Variants in PDE1C observed in about 807,000 individuals in gnomAD.
PDE1C encodes phosphodiesterase 1C, also known as dual specificity calcium/calmodulin-dependent 3',5'-cyclic nucleotide phosphodiesterase 1C.
A neutral mutation model predicts 93.1 loss-of-function variants in PDE1C; 62 were observed. The observed-to-expected ratio is 0.67, with a 90% CI of 0.54 to 0.82. PDE1C has a LOEUF of 0.82. Among genes scored for constraint, PDE1C ranks in the 40% least tolerant of loss-of-function variants. The probability of loss-of-function intolerance (pLI) is 0.00; values close to 1 mark genes in which losing one functional copy is unlikely to be tolerated. For missense variants in PDE1C, 742 were observed against 884.6 expected, an observed-to-expected ratio of 0.84 and a Z score of 2.04; for synonymous variants, 325 against 310.1, an observed-to-expected ratio of 1.05 and a Z score of -0.50.
At chr7:31,832,086 A>G (rs1196251520) in intron 11 of PDE1C, among the ~76,000 whole-genome samples, 2 of 152,202 alleles carry the variant, frequency 1.3e-5, no homozygotes, top group Admixed American at 1.3e-4. Context: ...TGAATTGATA[A>G]AAATAAAAAG....
chr7:31,722,001 C>T, the PDE1C span, among the ~76,000 whole-genome samples: 3 of 152,282 alleles, frequency 2.0e-5, no homozygotes, highest in East Asian at 1.9e-4. Context: ...ATAACTCTTA[C>T]GGCTCAAACT....
chr7:32,399,888 T>C (rs772481607), intron 1 of PDE1C, among the ~76,000 whole-genome samples: 7 of 152,140 alleles, frequency 4.6e-5, no homozygotes, highest in African/African-American at 7.2e-5. Context: ...CAGGCCTGAC[T>C]TCATTTAACC....
chr7:32,083,758 A>G (rs1235942092), intron 3 of PDE1C, among the ~76,000 whole-genome samples: 1 of 152,078 alleles, frequency 6.6e-6, no homozygotes, highest in Admixed American at 6.5e-5. Context: ...ACTAAGCTTC[A>G]TAAGTGAAGG....
chr7:31,760,693 A>G (rs1359308639), intron 17 of PDE1C, among the ~76,000 whole-genome samples: 1 of 151,720 alleles, frequency 6.6e-6, no homozygotes, highest in Admixed American at 6.6e-5. Flanking sequence ...TCTTTCAAAC[A>G]TAATGCTATG....
At chr7:31,861,482 G>C (rs1322677013) in intron 7 of PDE1C, among the ~76,000 whole-genome samples, 2 of 151,828 alleles carry the variant, frequency 1.3e-5, no homozygotes, top group African/African-American at 2.4e-5. Context: ...CTTGGCCTCT[G>C]TAAATGGATG....
At chr7:32,296,027 A>G (rs1165256469) in intron 1 of PDE1C, among the ~76,000 whole-genome samples, 2 of 152,136 alleles carry the variant, frequency 1.3e-5, no homozygotes, top group Admixed American at 6.6e-5. Context: ...TAAATACTTT[A>G]TATATAGCAT....
At chr7:31,912,399 T>A (rs1801348696) in intron 2 of PDE1C, among the ~76,000 whole-genome samples, 2 of 152,100 alleles carry the variant, frequency 1.3e-5, no homozygotes, top group Admixed American at 1.3e-4. Context: ...AAAACATAGA[T>A]AAAAGGCCGG....
Position 32,390,305 on chromosome 7 carries a change from C to T in PDE1C, c.310+37517G>A, listed in dbSNP as rs371355079. Among the ~76,000 whole-genome samples the T allele has an allele frequency of 1.2e-4, 18 of 152,030 alleles. No individual in the cohort carries two copies. In the East Asian group the frequency reaches 3.3e-3, roughly 28 times the overall value. On this transcript the variant is annotated intron_variant, in intron 1 of 1. Coordinates refer to the PDE1C transcript ENST00000672256. The stretch of plus-strand genomic sequence containing the variant: ...GATAAATTAAGATGCATATTGTACT[C>T]CCTAAAGCAGTGATTCTCAACTGGG...
At chr7:32,299,332 G>GA (rs1170896995), upstream of PDE1C, 2 of 985,614 alleles carry the variant, frequency 2.0e-6, no homozygotes, top group Non-Finnish European at 2.4e-6. Context: ...AGGAAGTCGG[G>GA]AAAATCGCCA....
At chr7:32,422,239 A>G (rs1785446342) in intron 1 of PDE1C, among the ~76,000 whole-genome samples, 1 of 152,222 alleles carries the variant, frequency 6.6e-6, no homozygotes, top group African/African-American at 2.4e-5. Flanking sequence ...ACAAATGTTG[A>G]AGGTTAAGGC....
At chr7:31,701,382 C>A in the PDE1C span, among the ~76,000 whole-genome samples, 1 of 152,114 alleles carries the variant, frequency 6.6e-6, no homozygotes, top group Non-Finnish European at 1.5e-5. Flanking sequence ...TGAATTGCTG[C>A]AATCTAATGA....
At chr7:31,695,558 T>G in the PDE1C span, 1 of 1,613,564 alleles carries the variant, frequency 6.2e-7, no homozygotes, top group Non-Finnish European at 8.5e-7. Context: ...GAATGTTGAG[T>G]CAGACCAAAA....
chr7:32,401,377 T>C (rs1784939040), intron 1 of PDE1C, among the ~76,000 whole-genome samples: 2 of 152,038 alleles, frequency 1.3e-5, no homozygotes, highest in African/African-American at 2.4e-5. Flanking sequence ...TCTCTACTAA[T>C]AATACAAAAA....
At chr7:31,623,779 G>A in the PDE1C span, among the ~76,000 whole-genome samples, 1 of 151,498 alleles carries the variant, frequency 6.6e-6, no homozygotes, top group African/African-American at 2.4e-5. Flanking sequence ...AGGGCAATTA[G>A]GCAGGAGAAG....
At chr7:31,620,003 T>G in the PDE1C span, among the ~76,000 whole-genome samples, 20 of 152,302 alleles carry the variant, frequency 1.3e-4, no homozygotes, top group East Asian at 3.9e-3. Flanking sequence ...TCTCGCTGAT[T>G]GCTAGCACAG....
upstream of PDE1C, among the ~76,000 whole-genome samples, chr7:32,076,398 T>C (rs1796356046): frequency 6.6e-6 from 1 of 152,054 alleles, no homozygotes; most frequent in African/African-American, 2.4e-5. Context: ...CCCAGCACTC[T>C]GAGAGGCCGA....
At chr7:32,202,677 C>T (rs904651789) in intron 2 of PDE1C, among the ~76,000 whole-genome samples, 1 of 152,132 alleles carries the variant, frequency 6.6e-6, no homozygotes. Context: ...TGGGTCAACA[C>T]AAGTTGGGGT....
chr7:31,957,208 A>C, intron 2 of PDE1C, among the ~76,000 whole-genome samples: 1 of 150,842 alleles, frequency 6.6e-6, no homozygotes, highest in Non-Finnish European at 1.5e-5. Context: ...ATATAAATGT[A>C]AAGAAGGTTT....
chr7:32,203,186 C>A (rs1261709020), intron 2 of PDE1C, among the ~76,000 whole-genome samples: 13 of 151,890 alleles, frequency 8.6e-5, no homozygotes, highest in Admixed American at 3.9e-4. Flanking sequence ...CACAGTCCCC[C>A]ACTCATGGCA....
Sources: gnomAD v4.1 joint callset for allele counts (sites outside exome capture counted in the v4.1 genomes callset) on GRCh38, gnomAD v4.1.1 for gene constraint, MANE v1.5 for transcripts, NCBI Gene and HGNC (gene_info 2026-07-23, HGNC 2026-07-21) for gene names.